Variants in ADGRV1 observed in about 807,000 individuals in gnomAD.
ADGRV1 encodes the protein adhesion G protein-coupled receptor V1.
In ADGRV1, 359 loss-of-function variants were observed where a neutral mutation model predicts 596.2. The ratio of observed to expected loss-of-function variants is 0.60; its 90% CI spans 0.55 to 0.66. The LOEUF (loss-of-function observed/expected upper bound fraction) is 0.66. Ranked by LOEUF, ADGRV1 falls within the 30% of genes least tolerant of loss-of-function variation. ADGRV1 has a pLI of 0.00. For missense variants in ADGRV1, 7,274 were observed against 7,575.6 expected, an observed-to-expected ratio of 0.96 and a Z score of 1.48; for synonymous variants, 2,681 against 2,679.2, an observed-to-expected ratio of 1.00 and a Z score of -0.02.
intron 25 of ADGRV1, among the ~76,000 whole-genome samples, chr5:90,678,670 C>T (rs1279097964): frequency 1.4e-5 from 2 of 147,842 alleles, no homozygotes; most frequent in Admixed American, 1.4e-4. Flanking sequence ...TCAGAGAATG[C>T]ATGTGAGAGG....
chr5:91,000,905 CT>C (rs1289667080), intron 85 of ADGRV1, among the ~76,000 whole-genome samples: 1 of 151,948 alleles, frequency 6.6e-6, no homozygotes, highest in Non-Finnish European at 1.5e-5. Flanking sequence ...AAGGATCAGC[CT>C]TTTTTCCTCA....
intron 17 of ADGRV1, among the ~76,000 whole-genome samples, chr5:90,650,555 G>C (rs558887984): frequency 6.6e-6 from 1 of 152,130 alleles, no homozygotes; most frequent in Non-Finnish European, 1.5e-5. Context: ...TATAATTTTA[G>C]CTGTAGGTGT....
At chr5:91,153,193 CT>C (rs747028712) in intron 88 of ADGRV1, 27 bp from the exon 89 acceptor site, 22 of 1,574,324 alleles carry the variant, frequency 1.4e-5, no homozygotes, top group Admixed American at 1.8e-5. Flanking sequence ...ATTATGGTTT[CT>C]TTTTCCCCCC....
chr5:90,992,532 G>T (rs150514294), intron 85 of ADGRV1, among the ~76,000 whole-genome samples: 1 of 152,146 alleles, frequency 6.6e-6, no homozygotes, highest in African/African-American at 2.4e-5. Flanking sequence ...TCCAATCTCC[G>T]TGTAGTTCTT....
At chr5:90,782,217 A>G (rs1216881219) in intron 65 of ADGRV1, among the ~76,000 whole-genome samples, 1 of 152,158 alleles carries the variant, frequency 6.6e-6, no homozygotes, top group Non-Finnish European at 1.5e-5. Flanking sequence ...CATTGCCTCT[A>G]TCAAAATTCT....
intron 83 of ADGRV1, among the ~76,000 whole-genome samples, chr5:90,879,243 A>G (rs560290831): frequency 6.6e-6 from 1 of 152,322 alleles, no homozygotes; most frequent in South Asian, 2.1e-4. Flanking sequence ...TTTGAGATAC[A>G]TAGGAGAGAA....
intron 84 of ADGRV1, among the ~76,000 whole-genome samples, chr5:90,978,678 C>A (rs1179748473): frequency 6.6e-6 from 1 of 152,120 alleles, no homozygotes; most frequent in African/African-American, 2.4e-5. Context: ...TGTATCAAAA[C>A]ATCACACTTA....
intron 85 of ADGRV1, among the ~76,000 whole-genome samples, chr5:91,023,342 C>T (rs1008747214): frequency 2.0e-5 from 3 of 151,976 alleles, no homozygotes; most frequent in Non-Finnish European, 4.4e-5. Context: ...TACCAGAGCC[C>T]AGGTGAAAAG....
chr5:90,733,346 T>A (rs947883347), intron 50 of ADGRV1, among the ~76,000 whole-genome samples: 10 of 152,150 alleles, frequency 6.6e-5, no homozygotes, highest in African/African-American at 2.4e-4. Context: ...TAGAAGCATG[T>A]GTAGGTGGTT....
chr5:91,028,579 C>T (rs890904543), intron 85 of ADGRV1, among the ~76,000 whole-genome samples: 4 of 152,052 alleles, frequency 2.6e-5, no homozygotes, highest in African/African-American at 9.7e-5. Context: ...TTTACTAGAT[C>T]TATCCTAGTC....
chr5:90,864,380 A>G (rs1767891358), intron 83 of ADGRV1, among the ~76,000 whole-genome samples: 2 of 152,246 alleles, frequency 1.3e-5, no homozygotes, highest in Non-Finnish European at 2.9e-5. Context: ...TCTAGTTTAA[A>G]GCACTGTGTA....
intron 82 of ADGRV1, among the ~76,000 whole-genome samples, chr5:90,856,603 C>G (rs1767046624): frequency 6.6e-6 from 1 of 152,140 alleles, no homozygotes; most frequent in African/African-American, 2.4e-5. Flanking sequence ...TCTCTTCTTT[C>G]AGCCCCACAA....
At chr5:90,854,552 G>C (rs1766844847) in intron 81 of ADGRV1, among the ~76,000 whole-genome samples, 1 of 152,120 alleles carries the variant, frequency 6.6e-6, no homozygotes, top group Admixed American at 6.5e-5. Context: ...CTGGGCTTGT[G>C]GTTCTGGAAA....
chr5:90,928,477 C>T (rs1403248088), intron 83 of ADGRV1, among the ~76,000 whole-genome samples: 1 of 150,364 alleles, frequency 6.7e-6, no homozygotes, highest in Non-Finnish European at 1.5e-5. Context: ...TGGTTTTCAG[C>T]TCCATCAGCT....
rs185437099 is a variant in ADGRV1, at chr5:90,763,454, C to T, written c.12270C>T (p.Thr4090=). 20 of 1,612,178 alleles carry T rather than the reference C, an allele frequency of 1.2e-5. No homozygotes were observed. In the East Asian group the frequency reaches 4.5e-4, roughly 36 times the overall value. The part of the protein sequence containing the change: ...AKHNLSPLNG[T]LHFDETESQK... ...ATAACCTTAGTCCTTTGAATGGGAC[C>T]CTTCATTTTGATGAGGTATAGTCAG... Residue 4090 remains threonine, a synonymous_variant, in exon 59 of 90, where the codon ACC becomes ACT. Coordinates refer to ENST00000405460, the MANE Select transcript of ADGRV1 (RefSeq NM_032119.4).
intron 83 of ADGRV1, among the ~76,000 whole-genome samples, chr5:90,872,360 C>T (rs911059015): frequency 1.3e-5 from 2 of 150,630 alleles, no homozygotes; most frequent in Admixed American, 6.6e-5. Flanking sequence ...ATTGTTATAA[C>T]CTTAAAAATT....
intron 85 of ADGRV1, chr5:91,030,983 T>G: frequency 7.3e-7 from 1 of 1,365,842 alleles, no homozygotes; most frequent in Non-Finnish European, 9.7e-7. Context: ...GTCGACTGAT[T>G]TTATATGTCA....
rs573095651 is a variant in ADGRV1, at chr5:91,089,011, G to A, written c.18311-13208G>A. Among the ~76,000 whole-genome samples the A allele has an allele frequency of 9.0e-4, 136 of 151,692 alleles. 1 individual carries two copies. The highest frequency in any genetic ancestry group is 3.2e-3 in the African/African-American group (132 of 41,392). On this transcript the variant is annotated intron_variant, in intron 86 of 89. Transcript: ENST00000405460. The stretch of plus-strand genomic sequence containing the variant: ...GTTTCCCTTTTTTTTCTCTGTAAGG[G>A]CTTAGTCCAATGTTGCTAGTAAGAA...
At chr5:91,019,856 G>C (rs1345691803) in intron 85 of ADGRV1, among the ~76,000 whole-genome samples, 1 of 151,768 alleles carries the variant, frequency 6.6e-6, no homozygotes, top group Non-Finnish European at 1.5e-5. Context: ...TAATTATTCT[G>C]GTGCAGAACA....
Sources: gnomAD v4.1 joint callset for allele counts (sites outside exome capture counted in the v4.1 genomes callset) on GRCh38, gnomAD v4.1.1 for gene constraint, MANE v1.5 for transcripts, NCBI Gene and HGNC (gene_info 2026-07-23, HGNC 2026-07-21) for gene names.